POLR3G: variants seen among roughly 807,000 people sequenced by gnomAD.
The protein encoded by POLR3G is DNA-directed RNA polymerase III subunit RPC7.
Under a neutral mutation model 30.1 loss-of-function variants are expected in POLR3G, and 28 were observed. That is an observed-to-expected ratio of 0.93 (90% CI 0.69 to 1.27). The LOEUF is 1.27. Among genes scored for constraint, POLR3G ranks in the 50% most tolerant of loss-of-function variants. The pLI, the probability that POLR3G is intolerant of heterozygous loss-of-function variation, is 0.00. For missense variants in POLR3G, 254 were observed against 264.6 expected, an observed-to-expected ratio of 0.96 and a Z score of 0.28; for synonymous variants, 79 against 82.5, an observed-to-expected ratio of 0.96 and a Z score of 0.23.
chr5:90,512,322 T>G lies in POLR3G; in HGVS notation c.*183T>G. 1.9e-6 allele frequency: 1 copy of G among 534,582 alleles called. No individual in the cohort carries two copies. The highest frequency in any genetic ancestry group is 3.4e-6 in the Non-Finnish European group (1 of 290,258). The allele number at this position is 534,582 out of a possible 1,614,324, so 33.1% of individuals were successfully genotyped here. On this transcript the variant is annotated 3_prime_UTR_variant, in exon 8 of 8. Coordinates refer to ENST00000651687, the MANE Select transcript of POLR3G (RefSeq NM_006467.3). ...ACTAGTTACCTTAAAAATTATTCCCTGACACTCTGACATTCCTTCTAAACA... is the reference window on the plus strand; with the variant it reads ...ACTAGTTACCTTAAAAATTATTCCCGGACACTCTGACATTCCTTCTAAACA...
chr5:90,505,835 G>C (rs1344328961), intron 6 of POLR3G, among the ~76,000 whole-genome samples: 1 of 152,152 alleles, frequency 6.6e-6, no homozygotes, highest in Admixed American at 6.5e-5. Flanking sequence ...TAGACATTTT[G>C]AGATAATACT....
intron 3 of POLR3G, 38 bp from the exon 4 acceptor site, chr5:90,495,639 G>T: frequency 6.3e-7 from 1 of 1,591,842 alleles, no homozygotes; most frequent in South Asian, 1.2e-5. Context: ...GGTTACTGTT[G>T]ATTTTCCTAA....
chr5:90,485,887 A>G (rs1269378897), intron 2 of POLR3G, among the ~76,000 whole-genome samples: 4 of 152,208 alleles, frequency 2.6e-5, no homozygotes, highest in Admixed American at 6.5e-5. Flanking sequence ...TCTTTCCATG[A>G]ATATATTTAG....
At chr5:90,500,358 T>C (rs774797168) in intron 5 of POLR3G, among the ~76,000 whole-genome samples, 1 of 151,170 alleles carries the variant, frequency 6.6e-6, no homozygotes, top group Non-Finnish European at 1.5e-5. Flanking sequence ...TGGCCAAAGA[T>C]GGAAAAAAAA....
chr5:90,497,664 A>C lies in POLR3G; in HGVS notation c.313A>C (p.Arg105=). The C allele has an allele frequency of 6.2e-7, 1 of 1,601,382 alleles. No individual in the cohort carries two copies. Among genetic ancestry groups the C allele is most frequent in the South Asian group, 1.1e-5 (1 of 88,406 alleles). ...YKEEWIPDWR[R]LPREMMPRNK... ...TTTTATTTTATGTACAGATTGGAGA[A>C]GACTTCCAAGAGAGATGATGCCAAG... Residue 105 remains arginine (R), a synonymous_variant, in exon 5 of 8, where the codon AGA becomes CGA. Transcript: ENST00000651687.
chr5:90,501,331 G>A (rs1752237182), intron 5 of POLR3G, among the ~76,000 whole-genome samples: 1 of 147,904 alleles, frequency 6.8e-6, no homozygotes, highest in Non-Finnish European at 1.5e-5. Flanking sequence ...TTTATCTTCT[G>A]TCTTTTATAC....
chr5:90,485,710 C>T (rs1332343741), intron 2 of POLR3G, 26 bp downstream of exon 2: 5 of 1,508,870 alleles, frequency 3.3e-6, no homozygotes, highest in African/African-American at 2.8e-5. Flanking sequence ...GTTGAATTCT[C>T]ATAGTGTGTT....
chr5:90,509,754 G>A (rs772992523), intron 7 of POLR3G, among the ~76,000 whole-genome samples: 7 of 152,160 alleles, frequency 4.6e-5, no homozygotes, highest in East Asian at 1.9e-4. Context: ...TCGGTATGGC[G>A]GGACTAGAGG....
chr5:90,478,155 C>A (rs925593055), intron 1 of POLR3G, among the ~76,000 whole-genome samples: 2 of 152,170 alleles, frequency 1.3e-5, no homozygotes, highest in Non-Finnish European at 2.9e-5. Flanking sequence ...CAGAGATTAG[C>A]TCAGCATCTG....
chr5:90,498,925 G>C (rs147921316), intron 5 of POLR3G, among the ~76,000 whole-genome samples: 1 of 152,292 alleles, frequency 6.6e-6, no homozygotes, highest in East Asian at 1.9e-4. Context: ...CATTGGGAAG[G>C]GTTCTTTGAG....
intron 6 of POLR3G, among the ~76,000 whole-genome samples, chr5:90,504,654 G>A (rs1752405927): frequency 6.6e-6 from 1 of 151,970 alleles, no homozygotes; most frequent in East Asian, 1.9e-4. Context: ...TAGATATAGT[G>A]TGTACCCTGC....
chr5:90,509,045 A>G (rs915732165), intron 7 of POLR3G, among the ~76,000 whole-genome samples: 1 of 152,172 alleles, frequency 6.6e-6, no homozygotes, highest in African/African-American at 2.4e-5. Flanking sequence ...TGGGCAACAT[A>G]TATATATTTA....
At chr5:90,509,850 C>T (rs963417455) in intron 7 of POLR3G, among the ~76,000 whole-genome samples, 3 of 152,108 alleles carry the variant, frequency 2.0e-5, no homozygotes, top group African/African-American at 7.2e-5. Context: ...AGAAATTTGA[C>T]TTTATCCTGA....
rs900923020 is a variant in POLR3G, at chr5:90,514,536, A to C, written c.*2397A>C. ...GTTTGTTCCAAATATTCTTGAATAA[A>C]CAATCACCACAAACAACAAAACTCT... On this transcript the variant is annotated 3_prime_UTR_variant, in exon 8 of 8. Transcript: ENST00000651687. 3 of 152,232 alleles carry C rather than the reference A, an allele frequency of 2.0e-5. No individual in the cohort carries two copies. Among genetic ancestry groups the C allele is most frequent in the African/African-American group, 7.2e-5 (3 of 41,458 alleles). The allele number at this position is 152,232 out of a possible 1,614,324, so 9.4% of individuals were successfully genotyped here.
rs1387496544 is a variant in POLR3G, at chr5:90,485,616, G to A, written c.49G>A (p.Glu17Lys). The A allele has an allele frequency of 5.0e-6, 8 of 1,614,032 alleles. No individual in the cohort carries two copies. The highest frequency in any genetic ancestry group is 6.8e-6 in the Non-Finnish European group (8 of 1,179,992). Reference sequence around the variant, plus strand: ...ACGTGCTGCTTATACCTTTAATATTGAGGCTGTTGGATTTAGCAAAGGTGA... The same window carrying A: ...ACGTGCTGCTTATACCTTTAATATTAAGGCTGTTGGATTTAGCAAAGGTGA... ...RGRAAYTFNI[E>K]AVGFSKGEKL... Residue 17 changes from glutamate to lysine, a missense_variant, in exon 2 of 8, where the codon GAG becomes AAG. Physicochemically the swap from Glu to Lys is moderately conservative, Grantham distance 56. Coordinates refer to ENST00000651687, the MANE Select transcript of POLR3G (RefSeq NM_006467.3).
At chr5:90,508,373 G>A (rs1752588214) in intron 7 of POLR3G, among the ~76,000 whole-genome samples, 1 of 150,796 alleles carries the variant, frequency 6.6e-6, no homozygotes, top group Admixed American at 6.6e-5. Context: ...TATCCTATTT[G>A]GGGCTAACGG....
rs1580227137 is a variant in POLR3G, at chr5:90,514,224, T to C, written c.*2085T>C. ...TGAGTCTCATTTTTCTGGCTTAAAATCTGGGACTGTGAAATTATTCCATAG... is the reference window on the plus strand; with the variant it reads ...TGAGTCTCATTTTTCTGGCTTAAAACCTGGGACTGTGAAATTATTCCATAG... On this transcript the variant is annotated 3_prime_UTR_variant, in exon 8 of 8. Transcript: ENST00000651687. 1 of 152,208 alleles carries C rather than the reference T, an allele frequency of 6.6e-6. No homozygotes were observed. The highest frequency in any genetic ancestry group is 2.1e-4 in the South Asian group (1 of 4,834). 9.4% of individuals were successfully genotyped at this position (152,208 alleles called of 1,614,324 possible).
intron 7 of POLR3G, 130 bp from the exon 8 acceptor site, chr5:90,511,923 G>A: frequency 4.7e-6 from 3 of 632,810 alleles, no homozygotes; most frequent in East Asian, 2.8e-5. Flanking sequence ...GAAGAAAGCG[G>A]CACAGGTAAA....
chr5:90,490,100 C>CT (rs541368329), intron 3 of POLR3G, among the ~76,000 whole-genome samples: 30 of 150,750 alleles, frequency 2.0e-4, no homozygotes, highest in Non-Finnish European at 4.3e-4. Context: ...GAGTGAGACT[C>CT]TGTCTCAAAA....
Sources: allele counts gnomAD v4.1 joint callset (sites outside exome capture counted in the v4.1 genomes callset), GRCh38; gene constraint gnomAD v4.1.1; transcripts MANE v1.5; gene names NCBI Gene and HGNC (gene_info 2026-07-23, HGNC 2026-07-21).